Variants in NOS1AP observed in about 807,000 individuals in gnomAD.
NOS1AP encodes the protein carboxyl-terminal PDZ ligand of neuronal nitric oxide synthase protein.
NOS1AP carries 21 observed loss-of-function variants against 56.2 expected under a neutral mutation model. The ratio of observed to expected loss-of-function variants is 0.37; its 90% confidence interval spans 0.26 to 0.54. NOS1AP has a LOEUF of 0.54. Ranked by LOEUF, NOS1AP falls within the 20% of genes least tolerant of loss-of-function variation. NOS1AP has a pLI of 0.84. For synonymous variants in NOS1AP, 270 were observed against 274.6 expected (o/e 0.98, Z 0.17); for missense variants, 522 against 657.8 (o/e 0.79, Z 2.26).
Position 162,188,764 on chromosome 1 carries a change from T to G in NOS1AP, c.177+34288T>G, listed in dbSNP as rs577905974. ...TCAAATGTTGAACAGTTGGTTAAGA[T>G]TATTTTAGGCTGAGCACGGTGGCTC... On this transcript the variant is annotated intron_variant, in intron 2 of 9. Transcript: ENST00000361897. This position sits in a 1 kb window ranked among gnomAD's most constrained non-coding sequence, Gnocchi z 4.0. Among the ~76,000 whole-genome samples, 5 of 152,298 alleles carry G rather than the reference T, an allele frequency of 3.3e-5. No individual in the cohort carries two copies. Among genetic ancestry groups the G allele is most frequent in the African/African-American group, 1.2e-4 (5 of 41,562 alleles).
chr1:162,090,304 C>T (rs1336750721), intron 1 of NOS1AP, among the ~76,000 whole-genome samples: 2 of 151,102 alleles, frequency 1.3e-5, no homozygotes, highest in African/African-American at 4.9e-5. Flanking sequence ...TAAATCTGAT[C>T]TAATTTTTCT....
intron 2 of NOS1AP, among the ~76,000 whole-genome samples, chr1:162,265,806 A>G (rs1000769721): frequency 6.6e-6 from 1 of 152,220 alleles, no homozygotes; most frequent in Non-Finnish European, 1.5e-5. Flanking sequence ...GTGAGGAACA[A>G]TAAAACCTTA....
At chr1:162,109,273 A>T (rs1647624201) in intron 1 of NOS1AP, among the ~76,000 whole-genome samples, 1 of 152,218 alleles carries the variant, frequency 6.6e-6, no homozygotes, top group Admixed American at 6.5e-5. Flanking sequence ...TTGGATCTTA[A>T]GGATAACAAA....
At chr1:162,150,377 C>T (rs1649659086) in intron 1 of NOS1AP, among the ~76,000 whole-genome samples, 1 of 152,192 alleles carries the variant, frequency 6.6e-6, no homozygotes, top group South Asian at 2.1e-4. Flanking sequence ...TTGAGGGACA[C>T]TTAGGCTGCT....
chr1:162,330,278 C>T (rs1479252153), intron 4 of NOS1AP, among the ~76,000 whole-genome samples: 1 of 152,342 alleles, frequency 6.6e-6, no homozygotes, highest in East Asian at 1.9e-4. Context: ...ACCTCCCTCC[C>T]TTCTAAGCAG....
rs1005395013 is a variant in NOS1AP, at chr1:162,361,420, C to T, written c.940-3984C>T. Among the ~76,000 whole-genome samples, 9 of 152,266 alleles carry T rather than the reference C, an allele frequency of 5.9e-5. No homozygotes were observed. The South Asian group carries it at 6.2e-4, about 11-fold the overall frequency. ...CTGCCTCGTTTCAGTGCTTCAAGTT[C>T]GAGCCTACATAGTTATAAAATGCTG... On this transcript the variant is annotated intron_variant, in intron 8 of 9. Coordinates refer to ENST00000361897, the MANE Select transcript of NOS1AP (RefSeq NM_014697.3).
chr1:162,172,983 G>A (rs1013476572), intron 2 of NOS1AP, among the ~76,000 whole-genome samples: 12 of 151,566 alleles, frequency 7.9e-5, no homozygotes, highest in Non-Finnish European at 1.6e-4. Flanking sequence ...GTGTAGTGGC[G>A]CAATCTTGGC....
At chr1:162,076,482 T>A (rs1057194465) in intron 1 of NOS1AP, among the ~76,000 whole-genome samples, 2 of 152,234 alleles carry the variant, frequency 1.3e-5, no homozygotes, top group East Asian at 3.8e-4. Flanking sequence ...AATTCACTAA[T>A]TTAAAATGTA....
intron 1 of NOS1AP, among the ~76,000 whole-genome samples, chr1:162,093,114 A>G (rs917767490): frequency 2.0e-5 from 3 of 152,220 alleles, no homozygotes; most frequent in Non-Finnish European, 4.4e-5. Context: ...GGCAGTTCCC[A>G]GTAGACCTAG....
intron 8 of NOS1AP, among the ~76,000 whole-genome samples, chr1:162,362,646 A>G (rs1197237751): frequency 6.6e-6 from 1 of 152,186 alleles, no homozygotes; most frequent in East Asian, 1.9e-4. Flanking sequence ...TGGAAGATGA[A>G]TAATTTAGTA....
At chr1:162,144,493 C>G (rs1558120495) in intron 1 of NOS1AP, among the ~76,000 whole-genome samples, 1 of 152,208 alleles carries the variant, frequency 6.6e-6, no homozygotes, top group African/African-American at 2.4e-5. Context: ...TCCTGGTTTA[C>G]CTGATACAGG....
intron 2 of NOS1AP, among the ~76,000 whole-genome samples, chr1:162,184,602 A>T (rs1165594576): frequency 6.6e-6 from 1 of 152,182 alleles, no homozygotes; most frequent in African/African-American, 2.4e-5. Context: ...GGTATGTGGA[A>T]GAGCCTGACT....
At chr1:162,333,710 G>A (rs1339723055) in intron 5 of NOS1AP, among the ~76,000 whole-genome samples, 1 of 152,172 alleles carries the variant, frequency 6.6e-6, no homozygotes, top group African/African-American at 2.4e-5. Context: ...GTGACGTTAT[G>A]TAGGTCCCAG....
intron 2 of NOS1AP, among the ~76,000 whole-genome samples, chr1:162,234,210 T>C (rs772228684): frequency 6.6e-6 from 1 of 151,978 alleles, no homozygotes; most frequent in Non-Finnish European, 1.5e-5. Flanking sequence ...TTCCAGTACA[T>C]GAAGATGAGG....
chr1:162,122,363 G>A (rs1000356565), intron 1 of NOS1AP, among the ~76,000 whole-genome samples: 1 of 152,196 alleles, frequency 6.6e-6, no homozygotes, highest in African/African-American at 2.4e-5. Flanking sequence ...GAATTATAGG[G>A]AAGAGTAGAC....
At chr1:162,338,762 G>C (rs1407775730) in intron 5 of NOS1AP, 1 of 152,216 alleles carries the variant, frequency 6.6e-6, no homozygotes, top group Non-Finnish European at 1.5e-5. Context: ...CTATGGGCCA[G>C]TGAGGTACAG....
chr1:162,183,004 T>C (rs1651312725), intron 2 of NOS1AP, among the ~76,000 whole-genome samples: 1 of 152,254 alleles, frequency 6.6e-6, no homozygotes, highest in African/African-American at 2.4e-5. Context: ...CAGAAGGTTT[T>C]CAATTTGCTT....
chr1:162,083,317 T>C (rs1691932790), intron 1 of NOS1AP, among the ~76,000 whole-genome samples: 1 of 152,240 alleles, frequency 6.6e-6, no homozygotes, highest in East Asian at 1.9e-4. Flanking sequence ...TCATGTCTCC[T>C]GTGGGCCAAG....
chr1:162,157,705 T>C (rs1034907284), intron 2 of NOS1AP, among the ~76,000 whole-genome samples: 3 of 152,212 alleles, frequency 2.0e-5, no homozygotes, highest in Non-Finnish European at 4.4e-5. Flanking sequence ...GACAGTTAGT[T>C]GATGGGCAGT....
Sources: allele counts gnomAD v4.1 joint callset (sites outside exome capture counted in the v4.1 genomes callset), GRCh38; gene constraint gnomAD v4.1.1; non-coding constraint Gnocchi (gnomAD v3.1); transcripts MANE v1.5; gene names NCBI Gene and HGNC (gene_info 2026-07-23, HGNC 2026-07-21).